CAT: variants seen among roughly 807,000 people sequenced by gnomAD.
CAT encodes the protein epididymis secretory sperm binding protein.
CAT carries 43 observed loss-of-function variants against 59.0 expected under a neutral mutation model. That is an observed-to-expected ratio of 0.73 (90% CI 0.57 to 0.94). The LOEUF is 0.94. Ranked by LOEUF, CAT falls within the 40% of genes least tolerant of loss-of-function variation. The pLI, the probability that CAT is intolerant of heterozygous loss-of-function variation, is 0.00. For synonymous variants in CAT, 218 were observed against 230.9 expected (o/e 0.94, Z 0.51); for missense variants, 664 against 682.9 (o/e 0.97, Z 0.31).
Position 34,456,718 on chromosome 11 carries a change from C to T in CAT, c.957C>T (p.Asn319=). The change falls in exon 8 of 13, where the codon AAC becomes AAT. Residue 319 remains asparagine, a synonymous_variant. Transcript: ENST00000241052. Reference sequence around the variant, plus strand: ...TCCCAGTTGGTAAACTGGTCTTAAACCGGAATCCAGTTAATTACTTTGCTG... The same window carrying T: ...TCCCAGTTGGTAAACTGGTCTTAAATCGGAATCCAGTTAATTACTTTGCTG... ...PLIPVGKLVL[N]RNPVNYFAEV... is the part of the protein sequence containing the mutation. The T allele has an allele frequency of 6.2e-7, 1 of 1,614,072 alleles. No homozygotes were observed. The highest frequency in any genetic ancestry group is 1.1e-5 in the South Asian group (1 of 91,082).
In CAT at chr11:34,452,216, TAG is replaced by T. The variant is rs765051141; in HGVS notation, c.480+12_480+13del. On this transcript the variant is annotated intron_variant, in intron 4 of 12. Coordinates refer to ENST00000241052, the MANE Select transcript of CAT (RefSeq NM_001752.4). ...TCAGGGATCCCATATTGGTAGGTAA[TAG>T]AGTATTTTGCACTCAACAAATGTTT... 2.5e-6 allele frequency: 4 copies of T among 1,613,112 alleles called. No homozygotes were observed. The highest frequency in any genetic ancestry group is 1.3e-5 in the African/African-American group (1 of 74,984).
intron 1 of CAT, among the ~76,000 whole-genome samples, chr11:34,444,763 A>G (rs1175839255): frequency 6.6e-6 from 1 of 152,210 alleles, no homozygotes; most frequent in East Asian, 1.9e-4. Context: ...ATTTCACCAG[A>G]TGAAGCCAAC....
rs1216436328 is a variant in CAT at position 34,456,196 on chromosome 11, C to T, written c.897C>T (p.Leu299=). ...CTTTTCCATTTAATCCATTCGATCT[C>T]ACCAAGGTGAGTCAGTAAACAACTA... ...AETFPFNPFD[L]TKVWPHKDYP... Residue 299 remains leucine (L), a synonymous_variant, in exon 7 of 13, where the codon CTC becomes CTT. Transcript: ENST00000241052. 9.9e-6 allele frequency: 16 copies of T among 1,612,244 alleles called. No homozygotes were observed. Among genetic ancestry groups the T allele is most frequent in the Non-Finnish European group, 1.4e-5 (16 of 1,178,590 alleles).
At chr11:34,462,734 G>A (rs1376986651) in intron 9 of CAT, among the ~76,000 whole-genome samples, 1 of 152,142 alleles carries the variant, frequency 6.6e-6, no homozygotes, top group Non-Finnish European at 1.5e-5. Context: ...TAAAAGTAGA[G>A]CATTTGGGCT....
intron 4 of CAT, 138 bp from the exon 5 acceptor site, chr11:34,452,952 A>C: frequency 1.5e-6 from 1 of 671,468 alleles, no homozygotes; most frequent in Non-Finnish European, 2.7e-6. Flanking sequence ...ATTTCATATT[A>C]TGGTTTGGCA....
At position 34,471,435 on chromosome 11, in the gene CAT, G is replaced by C; in HGVS notation, c.*2G>C. 6.2e-7 allele frequency: 1 copy of C among 1,613,524 alleles called. No homozygotes were observed. The highest frequency in any genetic ancestry group is 8.5e-7 in the Non-Finnish European group (1 of 1,179,478). ...GCAAGGGAGAAGGCAAATCTGTGAGGCCGGGGCCCTGCACCTGTGCAGCGA... is the reference window on the plus strand; with the variant it reads ...GCAAGGGAGAAGGCAAATCTGTGAGCCCGGGGCCCTGCACCTGTGCAGCGA... On this transcript the variant is annotated 3_prime_UTR_variant, in exon 13 of 13. Coordinates refer to ENST00000241052, the MANE Select transcript of CAT (RefSeq NM_001752.4).
rs778582360 is a variant in CAT at position 34,471,469 on chromosome 11, G to A, written c.*36G>A. ...CTGCACCTGTGCAGCGAAGCTTAGC[G>A]TTCATCCGTGTAACCCGCTCATCAC... On this transcript the variant is annotated 3_prime_UTR_variant, in exon 13 of 13. Transcript: ENST00000241052. 17 of 1,558,150 alleles carry A rather than the reference G, an allele frequency of 1.1e-5. No individual in the cohort carries two copies. Among genetic ancestry groups the A allele is most frequent in the Admixed American group, 8.3e-5 (5 of 59,934 alleles).
chr11:34,455,250 G>T (rs7930427), intron 6 of CAT, among the ~76,000 whole-genome samples: 1,842 of 152,230 alleles, frequency 0.012, 34 homozygotes, highest in African/African-American at 0.042. Flanking sequence ...TTCTGTGGTA[G>T]AAATAGACCA....
At chr11:34,440,463 C>G (rs1288116507) in intron 1 of CAT, among the ~76,000 whole-genome samples, 3 of 152,156 alleles carry the variant, frequency 2.0e-5, no homozygotes, top group Non-Finnish European at 2.9e-5. Flanking sequence ...AATCCTGGTT[C>G]ACACTGAAGT....
rs779369645 is a variant in CAT, at chr11:34,471,451, T to C, written c.*18T>C. 20 of 1,610,028 alleles carry C rather than the reference T, an allele frequency of 1.2e-5. No homozygotes were observed. The highest frequency in any genetic ancestry group is 1.7e-5 in the Non-Finnish European group (20 of 1,176,358). On this transcript the variant is annotated 3_prime_UTR_variant, in exon 13 of 13. Coordinates refer to ENST00000241052, the MANE Select transcript of CAT (RefSeq NM_001752.4). ...ATCTGTGAGGCCGGGGCCCTGCACC[T>C]GTGCAGCGAAGCTTAGCGTTCATCC...
chr11:34,441,259 G>C lies in CAT; in HGVS notation c.66+2180G>C, dbSNP rs139455985. On this transcript the variant is annotated intron_variant, in intron 1 of 12. Transcript: ENST00000241052. The stretch of plus-strand genomic sequence containing the variant: ...AAAATTTCAAATATTCAGAAAAGTT[G>C]AAAAAATTTTGCAGTGTATATCTAT... Among the ~76,000 whole-genome samples the C allele has an allele frequency of 4.1e-3, 621 of 152,202 alleles. 6 individuals are homozygous for C. Among genetic ancestry groups the C allele is most frequent in the African/African-American group, 0.014 (600 of 41,526 alleles).
Position 34,453,156 on chromosome 11 carries a change from T to C in CAT, c.547T>C (p.Trp183Arg). 1 of 1,613,504 alleles carries C rather than the reference T, an allele frequency of 6.2e-7. No homozygotes were observed. Among genetic ancestry groups the C allele is most frequent in the Non-Finnish European group, 8.5e-7 (1 of 1,179,394 alleles). The change falls in exon 5 of 13, where the codon TGG (tryptophan) becomes CGG (arginine). Residue 183 changes from tryptophan to arginine, a missense_variant. By Grantham distance (101) the Trp-to-Arg change is moderately radical. Coordinates refer to ENST00000241052, the MANE Select transcript of CAT (RefSeq NM_001752.4). ...QTHLKDPDMV[W>R]DFWSLRPESL... is the part of the protein sequence containing the mutation. ...ACATCTGAAGGATCCGGACATGGTC[T>C]GGGACTTCTGGAGCCTACGTCCTGA... is the stretch of plus-strand genomic sequence containing the variant.
At position 34,468,392 on chromosome 11, in the gene CAT, A is replaced by G. The variant is rs1319759060; in HGVS notation, c.1431A>G (p.Lys477=). 1 of 1,611,310 alleles carries G rather than the reference A, an allele frequency of 6.2e-7. No homozygotes were observed. The highest frequency in any genetic ancestry group is 1.1e-5 in the South Asian group (1 of 91,024). ...ATGCACAAATTTTCATCCAGAAGAA[A>G]GCGGTGAGTCTTTGTAAGCTGAAGG... ...LKDAQIFIQK[K]AVKNFTEVHP... Residue 477 remains lysine, a synonymous_variant, in exon 11 of 13, where the codon AAA becomes AAG. Transcript: ENST00000241052.
In CAT at chr11:34,455,990, CTTCT is replaced by C. The variant is rs1856584508; in HGVS notation, c.712-13_712-10del. ...CTTTGACAATAAGTTTCCATTGGAG[CTTCT>C]TTCTTTCATTTTGTAGACTGACCAG... On this transcript the variant is annotated splice_polypyrimidine_tract_variant and intron_variant, in intron 6 of 12. Transcript: ENST00000241052. The C allele has an allele frequency of 1.2e-6, 2 of 1,608,924 alleles. No individual in the cohort carries two copies. Among genetic ancestry groups the C allele is most frequent in the Non-Finnish European group, 8.5e-7 (1 of 1,176,006 alleles).
intron 8 of CAT, among the ~76,000 whole-genome samples, chr11:34,458,618 T>C (rs145606934): frequency 2.6e-5 from 4 of 152,252 alleles, no homozygotes; most frequent in South Asian, 2.1e-4. Flanking sequence ...GAAATTGTCA[T>C]GGGCAGAGCA....
intron 11 of CAT, among the ~76,000 whole-genome samples, chr11:34,469,913 A>G (rs1047794018): frequency 3.3e-5 from 5 of 152,124 alleles, no homozygotes; most frequent in African/African-American, 9.7e-5. Context: ...TGATCCACCC[A>G]TCTTGGCCTC....
Position 34,444,398 on chromosome 11 carries a change from C to T in CAT, c.67-4794C>T, listed in dbSNP as rs560710380. Among the ~76,000 whole-genome samples the T allele has an allele frequency of 2.0e-4, 31 of 152,244 alleles. No individual in the cohort carries two copies. The South Asian group carries it at 5.8e-3, about 28-fold the overall frequency. On this transcript the variant is annotated intron_variant, in intron 1 of 12. Transcript: ENST00000241052. Reference sequence around the variant, plus strand: ...CAGCATGGTGGATCAGTATCTAAGACGGAATTGCTTTAGCTTCCACAGCAG... The same window carrying T: ...CAGCATGGTGGATCAGTATCTAAGATGGAATTGCTTTAGCTTCCACAGCAG...
At chr11:34,455,030 T>G (rs1216133881) in intron 6 of CAT, among the ~76,000 whole-genome samples, 1 of 152,244 alleles carries the variant, frequency 6.6e-6, no homozygotes, top group African/African-American at 2.4e-5. Flanking sequence ...TTCATCAGTC[T>G]GGATTATTCT....
rs1020781251 is a variant in CAT at position 34,471,421 on chromosome 11, G to A, written c.1572G>A (p.Lys524=). Residue 524 remains lysine (K), a synonymous_variant, in exon 13 of 13, where the codon AAG becomes AAA. Transcript: ENST00000241052. Reference sequence around the variant, plus strand: ...GATCTCACTTGGCGGCAAGGGAGAAGGCAAATCTGTGAGGCCGGGGCCCTG... The same window carrying A: ...GATCTCACTTGGCGGCAAGGGAGAAAGCAAATCTGTGAGGCCGGGGCCCTG... ...QSGSHLAARE[K]ANL The A allele has an allele frequency of 1.2e-6, 2 of 1,613,816 alleles. No individual in the cohort carries two copies. The highest frequency in any genetic ancestry group is 4.5e-5 in the East Asian group (2 of 44,902).
Sources: gnomAD v4.1 joint callset for allele counts (sites outside exome capture counted in the v4.1 genomes callset) on GRCh38, gnomAD v4.1.1 for gene constraint, MANE v1.5 for transcripts, NCBI Gene and HGNC (gene_info 2026-07-23, HGNC 2026-07-21) for gene names.